WDR27: variants seen among roughly 807,000 people sequenced by gnomAD.
WDR27 encodes the protein WD repeat domain 27.
A neutral mutation model predicts 114.4 loss-of-function variants in WDR27; 100 were observed. The observed-to-expected ratio is 0.87, with a 90% confidence interval of 0.74 to 1.03. The LOEUF (loss-of-function observed/expected upper bound fraction) is 1.03, where lower values mean the gene tolerates loss of function less well. WDR27 is among the 50% of genes least tolerant of loss of function. WDR27 has a pLI of 0.00. For missense variants in WDR27, 1,129 were observed against 1,092.9 expected, an observed-to-expected ratio of 1.03 and a Z score of -0.47; for synonymous variants, 449 against 423.1, an observed-to-expected ratio of 1.06 and a Z score of -0.75.
At chr6:169,552,031 G>A (rs73792934) in intron 25 of WDR27, among the ~76,000 whole-genome samples, 2,489 of 152,198 alleles carry the variant, frequency 0.016, 63 homozygotes, top group African/African-American at 0.057. Context: ...CAGAGAAGCC[G>A]CATACAAAGA....
At chr6:169,501,792 C>T (rs748590575) in intron 25 of WDR27, among the ~76,000 whole-genome samples, 2 of 152,216 alleles carry the variant, frequency 1.3e-5, no homozygotes, top group Non-Finnish European at 2.9e-5. Context: ...GCGAAGCCCG[C>T]GACTGCCCTG....
intron 25 of WDR27, among the ~76,000 whole-genome samples, chr6:169,518,058 G>C (rs1180708936): frequency 6.6e-6 from 1 of 152,224 alleles, no homozygotes; most frequent in Non-Finnish European, 1.5e-5. Flanking sequence ...ACTACTGCAA[G>C]AAGTGGGTGA....
chr6:169,597,349 A>AT (rs1807015001), intron 23 of WDR27, among the ~76,000 whole-genome samples: 1 of 151,128 alleles, frequency 6.6e-6, no homozygotes, highest in Non-Finnish European at 1.5e-5. Flanking sequence ...TTTTTTCTTG[A>AT]TTTTTTGCCT....
At chr6:169,677,749 G>A (rs1422332045) in intron 2 of WDR27, among the ~76,000 whole-genome samples, 2 of 152,246 alleles carry the variant, frequency 1.3e-5, no homozygotes, top group Admixed American at 6.5e-5. Context: ...TGGTTTTGAC[G>A]GCCAGGGCCT....
In WDR27 at chr6:169,667,918, C is replaced by T. The variant is rs896772014; in HGVS notation, c.660+64G>A. The T allele has an allele frequency of 5.1e-5, 75 of 1,477,918 alleles. No homozygotes were observed. In the Middle Eastern group the frequency reaches 3.4e-3, roughly 66 times the overall value. 91.6% of individuals were successfully genotyped at this position (1,477,918 alleles called of 1,614,324 possible). On this transcript the variant is annotated intron_variant, in intron 5 of 25. Coordinates refer to ENST00000448612, the MANE Select transcript of WDR27 (RefSeq NM_182552.5). ...GGCCGTGAAGCAACCGCACAGCTCC[C>T]GTCACCACAGTTCTTTCCACAGCAC...
At chr6:169,593,063 CTT>C (rs1806066044) in intron 23 of WDR27, among the ~76,000 whole-genome samples, 1 of 152,174 alleles carries the variant, frequency 6.6e-6, no homozygotes, top group Non-Finnish European at 1.5e-5. Context: ...CCTATTTAAG[CTT>C]TTCAATTGAT....
chr6:169,520,029 T>C (rs532248014), intron 25 of WDR27, among the ~76,000 whole-genome samples: 1 of 152,064 alleles, frequency 6.6e-6, no homozygotes, highest in African/African-American at 2.4e-5. Context: ...CTGGGAAGCA[T>C]CAGGAGTGCC....
chr6:169,656,263 G>A (rs935444941), intron 13 of WDR27, among the ~76,000 whole-genome samples: 5 of 152,212 alleles, frequency 3.3e-5, no homozygotes, highest in African/African-American at 1.2e-4. Flanking sequence ...ATGTAAAATA[G>A]GTGAAGGGTG....
chr6:169,471,249 T>C (rs750254396), intron 25 of WDR27, among the ~76,000 whole-genome samples: 7 of 151,820 alleles, frequency 4.6e-5, no homozygotes, highest in Non-Finnish European at 1.0e-4. Flanking sequence ...GCTAGAGCCA[T>C]AGCTGCAAAT....
At chr6:169,636,258 A>T in intron 19 of WDR27, 113 bp downstream of exon 19, 2 of 1,246,950 alleles carry the variant, frequency 1.6e-6, no homozygotes, top group Non-Finnish European at 1.1e-6. Context: ...TGGTGATATG[A>T]GGTCATTATT....
chr6:169,593,569 C>T (rs1323262462), intron 23 of WDR27, among the ~76,000 whole-genome samples: 1 of 151,988 alleles, frequency 6.6e-6, no homozygotes, highest in Non-Finnish European at 1.5e-5. Flanking sequence ...GTGTTTTGGC[C>T]AGGTATGGTG....
rs891756864 is a variant in WDR27 at position 169,659,679 on chromosome 6, A to T, written c.1130-161T>A. Among the ~76,000 whole-genome samples, 3 of 151,834 alleles carry T rather than the reference A, an allele frequency of 2.0e-5. No individual in the cohort carries two copies. Among genetic ancestry groups the T allele is most frequent in the Admixed American group, 6.6e-5 (1 of 15,252 alleles). On this transcript the variant is annotated intron_variant, in intron 10 of 25. Coordinates refer to ENST00000448612, the MANE Select transcript of WDR27 (RefSeq NM_182552.5). This position sits in a 1 kb window ranked among gnomAD's most constrained non-coding sequence, Gnocchi z 4.3. ...GGCTGTGCACCACATCCTCACACAT[A>T]CAAGGCCCCAGGCCACACACACACC...
At chr6:169,649,786 A>G (rs1183432293) in intron 14 of WDR27, among the ~76,000 whole-genome samples, 1 of 146,526 alleles carries the variant, frequency 6.8e-6, no homozygotes, top group Non-Finnish European at 1.5e-5. Context: ...CCACGCACAC[A>G]TCCATCTCTC....
intron 24 of WDR27, among the ~76,000 whole-genome samples, chr6:169,577,698 C>T (rs890005162): frequency 2.6e-5 from 4 of 152,232 alleles, no homozygotes; most frequent in African/African-American, 9.6e-5. Context: ...TTTTCCTCCG[C>T]GGCCCATGGG....
chr6:169,670,507 A>G, intron 4 of WDR27, 62 bp downstream of exon 4: 1 of 1,605,952 alleles, frequency 6.2e-7, no homozygotes, highest in Non-Finnish European at 8.5e-7. Context: ...GCAAGGTCCC[A>G]GAACCTGGGA....
intron 17 of WDR27, among the ~76,000 whole-genome samples, chr6:169,639,013 ATACTGCGTGGTGCTGGG>A (rs200647509): frequency 0.083 from 11,657 of 141,136 alleles, 763 homozygotes; most frequent in South Asian, 0.29. Context: ...GTGGTGCTGG[ATACTGCGTGGTGCTGGG>A]TACTGCGTGG....
intron 25 of WDR27, among the ~76,000 whole-genome samples, chr6:169,527,556 G>C (rs1795097279): frequency 6.6e-6 from 1 of 152,090 alleles, no homozygotes; most frequent in African/African-American, 2.4e-5. Flanking sequence ...AGTGGTAATG[G>C]TTGCACAATA....
At chr6:169,554,864 C>T (rs770696959) in intron 25 of WDR27, among the ~76,000 whole-genome samples, 3 of 152,204 alleles carry the variant, frequency 2.0e-5, no homozygotes, top group Non-Finnish European at 4.4e-5. Context: ...TGACTACATA[C>T]ATTTTGTTTT....
At chr6:169,490,281 C>G (rs1371131959) in intron 25 of WDR27, among the ~76,000 whole-genome samples, 1 of 152,240 alleles carries the variant, frequency 6.6e-6, no homozygotes, top group Non-Finnish European at 1.5e-5. Context: ...AGTCAGCCAG[C>G]AGGACTTGGC....
Sources: allele counts gnomAD v4.1 joint callset (sites outside exome capture counted in the v4.1 genomes callset), GRCh38; gene constraint gnomAD v4.1.1; non-coding constraint Gnocchi (gnomAD v3.1); transcripts MANE v1.5; gene names NCBI Gene and HGNC (gene_info 2026-07-23, HGNC 2026-07-21).